Variants in APOL3 observed in about 807,000 individuals in gnomAD.
APOL3 encodes apolipoprotein L3, also known as TNF-inducible protein CG12-1.
Under a neutral mutation model 11.6 loss-of-function variants are expected in APOL3, and 14 were observed. The observed-to-expected ratio is 1.21, with a 90% confidence interval of 0.80 to 1.89. The LOEUF is 1.89. APOL3 is among the 40% of genes most tolerant of loss of function. APOL3 has a pLI of 0.00. For synonymous variants in APOL3, 192 were observed against 190.6 expected (o/e 1.01, Z -0.06); for missense variants, 483 against 492.1 (o/e 0.98, Z 0.17).
At position 36,151,644 on chromosome 22, in the gene APOL3, A is replaced by G. The variant is rs16996426; in HGVS notation, c.224-6045T>C. ...AGATATAGAATAAGAAAGTTACCAT[A>G]CATAATAATTACATAGAAAGCTACT... is the stretch of plus-strand genomic sequence containing the variant. On this transcript the variant is annotated intron_variant, in intron 1 of 2. Coordinates refer to ENST00000349314, the Ensembl canonical transcript of APOL3. Among the ~76,000 whole-genome samples the G allele has an allele frequency of 7.0e-3, 1,068 of 152,340 alleles. 7 individuals carry two copies. Among genetic ancestry groups the G allele is most frequent in the Admixed American group, 0.017 (265 of 15,306 alleles).
intron 2 of APOL3, among the ~76,000 whole-genome samples, chr22:36,143,874 C>A (rs2060091286): frequency 6.6e-6 from 1 of 152,208 alleles, no homozygotes; most frequent in Non-Finnish European, 1.5e-5. Flanking sequence ...CTCTATAAAT[C>A]ACTAATGCTG....
chr22:36,147,142 A>C (rs767078238), intron 1 of APOL3, among the ~76,000 whole-genome samples: 36 of 152,290 alleles, frequency 2.4e-4, no homozygotes, highest in Middle Eastern at 3.4e-3. Context: ...TGCATTCTCC[A>C]CTGTAGTATA....
intron 2 of APOL3, among the ~76,000 whole-genome samples, chr22:36,143,503 G>T (rs2060076923): frequency 1.3e-5 from 2 of 152,230 alleles, no homozygotes; most frequent in South Asian, 4.1e-4. Context: ...ATTGCATTTT[G>T]ACTAACTCTG....
exon 3 of APOL3, chr22:36,141,273 G>T: frequency 6.2e-7 from 1 of 1,614,142 alleles, no homozygotes; most frequent in South Asian, 1.1e-5. Flanking sequence ...CAGCTCCTGA[G>T]CCTGCCGCCT....
intron 1 of APOL3, among the ~76,000 whole-genome samples, chr22:36,160,286 G>C (rs1386110295): frequency 6.6e-6 from 1 of 152,162 alleles, no homozygotes; most frequent in Middle Eastern, 3.2e-3. Context: ...GGACAGGCCA[G>C]GCTCTGGATC....
chr22:36,160,537 C>T, intron 1 of APOL3, 132 bp downstream of exon 1: 2 of 929,382 alleles, frequency 2.2e-6, no homozygotes, highest in South Asian at 1.6e-5. Context: ...CAGGCTCTGC[C>T]ATGGACCGAG....
Position 36,153,307 on chromosome 22 carries a change from G to A in APOL3, c.223+7362C>T, listed in dbSNP as rs927308968. ...AACCTCAATAATGGTTTGGATTGTG[G>A]TGCCACCACCTTAAAGTTGATGGAG... On this transcript the variant is annotated intron_variant, in intron 1 of 2. Coordinates refer to ENST00000349314, the Ensembl canonical transcript of APOL3. The A allele has an allele frequency of 6.8e-6, 3 of 443,920 alleles. No individual in the cohort carries two copies. The Admixed American group carries it at 7.4e-5, about 11-fold the overall frequency. 27.5% of individuals were successfully genotyped at this position (443,920 alleles called of 1,614,324 possible). A position where few individuals can be genotyped will look rare whatever the true frequency, so the allele number is the denominator to read the frequency against.
chr22:36,149,791 C>T (rs561078761), intron 1 of APOL3: 6 of 454,832 alleles, frequency 1.3e-5, no homozygotes, highest in Non-Finnish European at 2.2e-5. Flanking sequence ...TAAATGACTC[C>T]TCATTCCAAA....
chr22:36,149,156 A>T lies in APOL3; in HGVS notation c.224-3557T>A, dbSNP rs748645533. On this transcript the variant is annotated intron_variant, in intron 1 of 2. Coordinates refer to ENST00000349314, the Ensembl canonical transcript of APOL3. ...TTTTTCTTAACCCTTGAGGAGGAGA[A>T]AGCAAATTGTGGGACTGAATGTGAG... 2 of 1,361,876 alleles carry T rather than the reference A, an allele frequency of 1.5e-6. No homozygotes were observed. The highest frequency in any genetic ancestry group is 2.0e-6 in the Non-Finnish European group (2 of 1,018,966). 84.4% of individuals were successfully genotyped at this position (1,361,876 alleles called of 1,614,324 possible).
At chr22:36,141,084 C>T in exon 3 of APOL3, 1 of 1,471,884 alleles carries the variant, frequency 6.8e-7, no homozygotes, top group East Asian at 2.3e-5. Flanking sequence ...GCCAAAGTCA[C>T]TAACACTCAG....
chr22:36,162,369 G>A (rs2013748188), upstream of APOL3, among the ~76,000 whole-genome samples: 1 of 152,168 alleles, frequency 6.6e-6, no homozygotes, highest in African/African-American at 2.4e-5. Context: ...GTGCCCTCAG[G>A]TCACCCCAAG....
chr22:36,149,241 G>A, intron 1 of APOL3, 99 bp from the exon 2 acceptor site: 2 of 1,305,968 alleles, frequency 1.5e-6, no homozygotes, highest in Non-Finnish European at 1.0e-6. Flanking sequence ...TTGCGTGTCA[G>A]CAAATGCCAA....
chr22:36,140,911 C>T (rs1366239572), exon 3 of APOL3: 3 of 373,052 alleles, frequency 8.0e-6, no homozygotes, highest in African/African-American at 6.2e-5. Flanking sequence ...CTCTATTCCT[C>T]CCCCCAATAT....
chr22:36,154,031 G>A (rs1483940135), intron 1 of APOL3, among the ~76,000 whole-genome samples: 1 of 152,220 alleles, frequency 6.6e-6, no homozygotes, highest in African/African-American at 2.4e-5. Flanking sequence ...ATAAGAGGTT[G>A]TGGAGACCAA....
At chr22:36,151,134 T>A (rs1003718874) in intron 1 of APOL3, among the ~76,000 whole-genome samples, 2 of 152,054 alleles carry the variant, frequency 1.3e-5, no homozygotes, top group African/African-American at 2.4e-5. Context: ...TCTACACCAA[T>A]GGAAAAAATT....
intron 2 of APOL3, 36 bp from the exon 4 acceptor site, chr22:36,142,094 G>A: frequency 6.4e-7 from 1 of 1,552,798 alleles, no homozygotes; most frequent in Non-Finnish European, 8.7e-7. Context: ...AAGAAAGGCA[G>A]CTTACTTATC....
Position 36,145,584 on chromosome 22 carries a change from G to A in APOL3, c.239C>T (p.Thr80Ile). The A allele has an allele frequency of 1.2e-6, 2 of 1,613,696 alleles. No individual in the cohort carries two copies. Among genetic ancestry groups the A allele is most frequent in the South Asian group, 1.1e-5 (1 of 90,960 alleles). The stretch of plus-strand genomic sequence containing the variant: ...CCGGAAGTATTTGGTGGCCTCTTCA[G>A]TAAAGCGTTTCTTTTCTACTTGGAA... The change falls in exon 2 of 3, where the codon ACT becomes ATT. Residue 80 changes from threonine to isoleucine, a missense_variant. Coordinates refer to ENST00000349314, the Ensembl canonical transcript of APOL3.
intron 1 of APOL3, chr22:36,146,482 C>T (rs1754205068): frequency 6.6e-6 from 1 of 151,928 alleles, no homozygotes; most frequent in Non-Finnish European, 1.5e-5. Context: ...AAGAAAAGAG[C>T]ATTGAAAATA....
chr22:36,160,888 C>T (rs1773601786), exon 1 of APOL3: 1 of 1,613,136 alleles, frequency 6.2e-7, no homozygotes, highest in Non-Finnish European at 8.5e-7. Context: ...TGGCCCAGTC[C>T]CATCCTTGGT....
Sources: gnomAD v4.1 joint callset for allele counts (sites outside exome capture counted in the v4.1 genomes callset) on GRCh38, gnomAD v4.1.1 for gene constraint, MANE v1.5 for transcripts, NCBI Gene and HGNC (gene_info 2026-07-23, HGNC 2026-07-21) for gene names.